VRK2: variants seen among roughly 807,000 people sequenced by gnomAD.
VRK2 encodes VRK serine/threonine kinase 2.
VRK2 carries 60 observed loss-of-function variants against 57.6 expected under a neutral mutation model. That is an observed-to-expected ratio of 1.04 (90% CI 0.85 to 1.29). The LOEUF (loss-of-function observed/expected upper bound fraction) is 1.29. VRK2 is among the 50% of genes most tolerant of loss of function. The probability of loss-of-function intolerance (pLI) is 0.00; values close to 1 mark genes in which losing one functional copy is unlikely to be tolerated. For synonymous variants in VRK2, 231 were observed against 199.2 expected (o/e 1.16, Z -1.35); for missense variants, 705 against 588.1 (o/e 1.20, Z -2.06).
At chr2:58,095,091 A>G (rs2118899) in intron 7 of VRK2, among the ~76,000 whole-genome samples, 1 of 151,820 alleles carries the variant, frequency 6.6e-6, no homozygotes. Flanking sequence ...GTCAGGAGAT[A>G]GAGACCATCC....
chr2:58,000,792 C>A (rs543685154), intron 1 of VRK2, among the ~76,000 whole-genome samples: 18 of 152,208 alleles, frequency 1.2e-4, no homozygotes, highest in Non-Finnish European at 2.5e-4. Context: ...TACTCGACTG[C>A]AAAACAACAG....
At position 57,958,437 on chromosome 2, in the gene VRK2, G is replaced by GTA. The variant is rs575284884; in HGVS notation, c.-439+50606_-439+50607dup. On this transcript the variant is annotated intron_variant, in intron 1 of 15. Coordinates refer to the VRK2 transcript ENST00000417641. ...TGTGTGTGTGTGTGTGTATATACAT[G>GTA]TATATATATTTGTATATATATACAT... is the stretch of plus-strand genomic sequence containing the variant. Among the ~76,000 whole-genome samples, 52 of 143,286 alleles carry GTA rather than the reference G, an allele frequency of 3.6e-4. 1 individual carries two copies. The South Asian group carries it at 0.01, about 28-fold the overall frequency. The allele number at this position is 143,286 out of a possible 152,430, so 94.0% of individuals were successfully genotyped here. A position where few individuals can be genotyped will look rare whatever the true frequency, so the allele number is the denominator to read the frequency against.
chr2:58,044,817 T>C (rs911076382), upstream of VRK2, among the ~76,000 whole-genome samples: 2 of 152,072 alleles, frequency 1.3e-5, no homozygotes, highest in Non-Finnish European at 2.9e-5. Flanking sequence ...TGGGAGTGCA[T>C]AATAGGTAGA....
chr2:57,927,279 C>CT (rs200017573), intron 1 of VRK2, among the ~76,000 whole-genome samples: 4,049 of 137,016 alleles, frequency 0.03, 97 homozygotes, highest in African/African-American at 0.056. Flanking sequence ...ATATTTTAGT[C>CT]TTTTTTTTTT....
At chr2:57,937,341 TTTTC>T (rs1188304893) in intron 1 of VRK2, among the ~76,000 whole-genome samples, 1 of 152,190 alleles carries the variant, frequency 6.6e-6, no homozygotes, top group East Asian at 1.9e-4. Flanking sequence ...ATAATCCCAC[TTTTC>T]TTTCTTTCTT....
At chr2:58,133,576 C>T (rs1228346905) in intron 9 of VRK2, among the ~76,000 whole-genome samples, 2 of 152,194 alleles carry the variant, frequency 1.3e-5, no homozygotes, top group Non-Finnish European at 2.9e-5. Context: ...ACATAGCATG[C>T]TGCTGGATCA....
In VRK2 at chr2:58,123,117, A is replaced by T. The variant is rs1677775232; in HGVS notation, c.560A>T (p.Tyr187Phe). 1 of 1,600,170 alleles carries T rather than the reference A, an allele frequency of 6.2e-7. No homozygotes were observed. Among genetic ancestry groups the T allele is most frequent in the Admixed American group, 1.8e-5 (1 of 56,318 alleles). ...GTCTTCCAGGTTTATCTTGCAGATT[A>T]TGGACTTTCCTACAGATATTGTCCC... ...KNPDQVYLAD[Y>F]GLSYRYCPNG... The change falls in exon 8 of 13, where the codon TAT (tyrosine) becomes TTT (phenylalanine). Residue 187 changes from tyrosine (Y) to phenylalanine (F), a missense_variant. Physicochemically the swap from Tyr to Phe is conservative, Grantham distance 22. Transcript: ENST00000340157.
rs141508755 is a variant in VRK2, at chr2:58,071,615, C to T, written c.137-12474C>T. On this transcript the variant is annotated intron_variant, in intron 2 of 12. Coordinates refer to ENST00000340157, the MANE Select transcript of VRK2 (RefSeq NM_006296.7). ...ACTGCCTATTTATATTTGACTATAT[C>T]GGGTCTATTTCTAGGCTATCTATTA... is the stretch of plus-strand genomic sequence containing the variant. Among the ~76,000 whole-genome samples, 591 of 151,998 alleles carry T rather than the reference C, an allele frequency of 3.9e-3. 2 individuals carry two copies. The highest frequency in any genetic ancestry group is 0.014 in the Middle Eastern group (4 of 294).
chr2:57,990,329 G>T (rs1672724030), intron 1 of VRK2, among the ~76,000 whole-genome samples: 2 of 152,132 alleles, frequency 1.3e-5, no homozygotes, highest in African/African-American at 4.8e-5. Context: ...TCTTTATACA[G>T]TTCCCCTTAG....
intron 7 of VRK2, among the ~76,000 whole-genome samples, chr2:58,101,354 A>G (rs201438453): frequency 6.6e-6 from 1 of 151,716 alleles, no homozygotes; most frequent in East Asian, 1.9e-4. Context: ...TTTAAAGTAA[A>G]TTATAGATAT....
chr2:57,995,451 G>C (rs114460036), intron 1 of VRK2, among the ~76,000 whole-genome samples: 2,599 of 152,200 alleles, frequency 0.017, 57 homozygotes, highest in Middle Eastern at 0.054. Flanking sequence ...CAAATACTGT[G>C]AGTTGTTTTC....
At chr2:58,000,028 G>A (rs187495274) in intron 1 of VRK2, among the ~76,000 whole-genome samples, 2 of 151,798 alleles carry the variant, frequency 1.3e-5, no homozygotes, top group Non-Finnish European at 2.9e-5. Flanking sequence ...ACGCACACAC[G>A]CATGCACACA....
At chr2:58,048,597 C>G in intron 1 of VRK2, 1 of 1,455,676 alleles carries the variant, frequency 6.9e-7, no homozygotes, top group East Asian at 3.1e-5. Context: ...GGTTAGTTTG[C>G]TTCTGTTTTT....
At chr2:58,017,939 A>G (rs1403619163) in intron 1 of VRK2, 3 of 152,222 alleles carry the variant, frequency 2.0e-5, no homozygotes, top group Non-Finnish European at 4.4e-5. Flanking sequence ...CATAATAGAG[A>G]CAACAAATAT....
At position 58,094,114 on chromosome 2, in the gene VRK2, G is replaced by A. The variant is rs1558627827; in HGVS notation, c.543+4391G>A. Among the ~76,000 whole-genome samples the A allele has an allele frequency of 2.0e-5, 3 of 152,296 alleles. No individual in the cohort carries two copies. The South Asian group carries it at 6.2e-4, about 32-fold the overall frequency. ...CAGGTAGCCTGATGCCTCCAGCTTTGTTCTTTTGTCTTAGGATTGTCTTGG... is the reference window on the plus strand; with the variant it reads ...CAGGTAGCCTGATGCCTCCAGCTTTATTCTTTTGTCTTAGGATTGTCTTGG... On this transcript the variant is annotated intron_variant, in intron 7 of 12. Coordinates refer to ENST00000340157, the MANE Select transcript of VRK2 (RefSeq NM_006296.7).
chr2:57,951,629 C>T (rs1671428866), intron 1 of VRK2, among the ~76,000 whole-genome samples: 1 of 152,126 alleles, frequency 6.6e-6, no homozygotes, highest in African/African-American at 2.4e-5. Flanking sequence ...CCACAGCCAC[C>T]CTAATCTTCA....
chr2:58,047,046 C>T lies in VRK2; in HGVS notation c.-6+178C>T, dbSNP rs974506668. 2.1e-5 allele frequency: 19 copies of T among 914,312 alleles called. No homozygotes were observed. In the African/African-American group the frequency reaches 3.4e-4, roughly 16 times the overall value. The allele number at this position is 914,312 out of a possible 1,614,324, so 56.6% of individuals were successfully genotyped here. A position where few individuals can be genotyped will look rare whatever the true frequency, so the allele number is the denominator to read the frequency against. ...AGAGTCGCTGCTTCCGCGTTTGGTT[C>T]TTTTTTCCCCGCTGGGAGTGAGAAC... On this transcript the variant is annotated intron_variant, in intron 1 of 12. Transcript: ENST00000340157.
chr2:58,014,318 T>C (rs567863345), intron 1 of VRK2, among the ~76,000 whole-genome samples: 20 of 152,352 alleles, frequency 1.3e-4, no homozygotes, highest in African/African-American at 4.8e-4. Context: ...TAACTCCACT[T>C]AATACAATGT....
chr2:57,932,936 G>C (rs1482280217), intron 1 of VRK2, among the ~76,000 whole-genome samples: 1 of 151,768 alleles, frequency 6.6e-6, no homozygotes, highest in Non-Finnish European at 1.5e-5. Flanking sequence ...TGACCCTTTT[G>C]TTTTCGGGAG....
Sources: gnomAD v4.1 joint callset for allele counts (sites outside exome capture counted in the v4.1 genomes callset) on GRCh38, gnomAD v4.1.1 for gene constraint, MANE v1.5 for transcripts, NCBI Gene and HGNC (gene_info 2026-07-23, HGNC 2026-07-21) for gene names.